The following CREBBP variants were observed in gnomAD, a reference collection of about 807,000 sequenced individuals.
CREBBP encodes the protein CREB-binding protein.
CREBBP carries 19 observed loss-of-function variants against 265.0 expected under a neutral mutation model. The ratio of observed to expected loss-of-function variants is 0.07; its 90% CI spans 0.05 to 0.11. The LOEUF (loss-of-function observed/expected upper bound fraction) is 0.11. CREBBP is among the 10% of genes least tolerant of loss of function. The pLI is 1.00. For synonymous variants in CREBBP, 1,457 were observed against 1,223.7 expected (o/e 1.19, Z -3.98); for missense variants, 2,525 against 3,219.0 (o/e 0.78, Z 5.22).
chr16:3,734,734 G>A (rs1296415708), intron 28 of CREBBP, among the ~76,000 whole-genome samples: 2 of 152,126 alleles, frequency 1.3e-5, no homozygotes, highest in East Asian at 1.9e-4. Context: ...ACTCTGGGGC[G>A]CCGTCCAGCA....
chr16:3,858,944 T>C (rs2055017838), intron 1 of CREBBP, among the ~76,000 whole-genome samples: 1 of 152,210 alleles, frequency 6.6e-6, no homozygotes, highest in South Asian at 2.1e-4. Context: ...GATGCTGTTT[T>C]GTGATGTGTT....
chr16:3,854,875 G>C (rs532524373), intron 1 of CREBBP, among the ~76,000 whole-genome samples: 4 of 152,344 alleles, frequency 2.6e-5, no homozygotes, highest in African/African-American at 9.6e-5. Context: ...ATGTGATTTA[G>C]GAGTGTGTAC....
intron 19 of CREBBP, among the ~76,000 whole-genome samples, chr16:3,755,517 C>A (rs1236473295): frequency 6.6e-6 from 1 of 152,154 alleles, no homozygotes; most frequent in African/African-American, 2.4e-5. Flanking sequence ...ATTATTTCAT[C>A]ATTGAGGACC....
intron 21 of CREBBP, among the ~76,000 whole-genome samples, chr16:3,747,315 T>C (rs1193329663): frequency 6.6e-6 from 1 of 152,242 alleles, no homozygotes; most frequent in Non-Finnish European, 1.5e-5. Context: ...CAAGAGACAG[T>C]GTAATGGCCC....
Position 3,850,875 on chromosome 16 carries a change from G to A in CREBBP, c.220C>T (p.Leu74=). 6.2e-7 allele frequency: 1 copy of A among 1,614,184 alleles called. No homozygotes were observed. The highest frequency in any genetic ancestry group is 8.5e-7 in the Non-Finnish European group (1 of 1,180,048). Residue 74 remains leucine (L), a synonymous_variant, in exon 2 of 31, where the codon CTA becomes TTA. Transcript: ENST00000262367. ...ASKHKQLSEL[L]RGGSGSSINP... is the part of the protein sequence containing the mutation. ...ATACTAGAGCCGCTGCCTCCTCGTA[G>A]AAGCTCCGACAGTTGTTTATGTTTG...
Position 3,767,857 on chromosome 16 carries a change from A to T in CREBBP, c.3113T>A (p.Ile1038Lys), listed in dbSNP as rs767191742. ...CATTGGTTCTGATTTCTGCTCTGCT[A>T]TGTCTGTTTCTTCTTTAACTTGGGA... ...GASQVKEETD[I>K]AEQKSEPMEV... The change falls in exon 16 of 31, where the codon ATA (isoleucine) becomes AAA (lysine). Residue 1038 changes from isoleucine (I) to lysine (K), a missense_variant. Coordinates refer to ENST00000262367, the MANE Select transcript of CREBBP (RefSeq NM_004380.3). 6.2e-7 allele frequency: 1 copy of T among 1,614,112 alleles called. No individual in the cohort carries two copies. Among genetic ancestry groups the T allele is most frequent in the Non-Finnish European group, 8.5e-7 (1 of 1,180,032 alleles).
At position 3,793,635 on chromosome 16, in the gene CREBBP, A is replaced by T. The variant is rs745555208; in HGVS notation, c.976-9T>A. 2 of 1,612,208 alleles carry T rather than the reference A, an allele frequency of 1.2e-6. No individual in the cohort carries two copies. Among genetic ancestry groups the T allele is most frequent in the Non-Finnish European group, 1.7e-6 (2 of 1,179,890 alleles). On this transcript the variant is annotated splice_polypyrimidine_tract_variant and intron_variant, in intron 3 of 30. Transcript: ENST00000262367. ...GATGTTTGCATCTGAGACTAAAATAAAGCAAAATAATAAAAATACTTTAAC... is the reference window on the plus strand; with the variant it reads ...GATGTTTGCATCTGAGACTAAAATATAGCAAAATAATAAAAATACTTTAAC...
Position 3,725,914 on chromosome 16 carries a change from G to A in CREBBP, c.*1804C>T, listed in dbSNP as rs553747903. 4.3e-6 allele frequency: 1 copy of A among 233,146 alleles called. No homozygotes were observed. Among genetic ancestry groups the A allele is most frequent in the African/African-American group, 2.2e-5 (1 of 45,438 alleles). 14.4% of individuals were successfully genotyped at this position (233,146 alleles called of 1,614,324 possible). A position where few individuals can be genotyped will look rare whatever the true frequency, so the allele number is the denominator to read the frequency against. On this transcript the variant is annotated 3_prime_UTR_variant, in exon 31 of 31. Coordinates refer to ENST00000262367, the MANE Select transcript of CREBBP (RefSeq NM_004380.3). Reference sequence around the variant, plus strand: ...CTGGGTGCTGGGGGTGGTAGACTTAGGGGATGAACTTCAGCTCCCCTGCCC... The same window carrying A: ...CTGGGTGCTGGGGGTGGTAGACTTAAGGGATGAACTTCAGCTCCCCTGCCC...
intron 2 of CREBBP, among the ~76,000 whole-genome samples, chr16:3,835,731 C>T (rs1028102154): frequency 5.9e-5 from 9 of 151,816 alleles, no homozygotes; most frequent in African/African-American, 2.2e-4. Context: ...AGGCGCCTGG[C>T]ACCACACCTG....
rs2051762944 is a variant in CREBBP, at chr16:3,726,999, GCTT to G, written c.*716_*718del. ...TTTCACATAGAAGAAAGAAAAGAAG[GCTT>G]CTTCTCTAGTAACATTAGCATGGTC... On this transcript the variant is annotated 3_prime_UTR_variant, in exon 31 of 31. Coordinates refer to ENST00000262367, the MANE Select transcript of CREBBP (RefSeq NM_004380.3). The G allele has an allele frequency of 4.3e-6, 1 of 233,646 alleles. No homozygotes were observed. Among genetic ancestry groups the G allele is most frequent in the Non-Finnish European group, 8.5e-6 (1 of 118,034 alleles). The allele number at this position is 233,646 out of a possible 1,614,324, so 14.5% of individuals were successfully genotyped here. A position where few individuals can be genotyped will look rare whatever the true frequency, so the allele number is the denominator to read the frequency against.
At position 3,726,921 on chromosome 16, in the gene CREBBP, G is replaced by A. The variant is rs2051761081; in HGVS notation, c.*797C>T. 1 of 233,454 alleles carries A rather than the reference G, an allele frequency of 4.3e-6. No individual in the cohort carries two copies. The highest frequency in any genetic ancestry group is 2.2e-5 in the African/African-American group (1 of 45,322). The allele number at this position is 233,454 out of a possible 1,614,324, so 14.5% of individuals were successfully genotyped here. The stretch of plus-strand genomic sequence containing the variant: ...AATCTTCTCGAGTTTCGTATTTATA[G>A]GAATTAGAGCGCTTGCATGATTTAC... On this transcript the variant is annotated 3_prime_UTR_variant, in exon 31 of 31. Coordinates refer to ENST00000262367, the MANE Select transcript of CREBBP (RefSeq NM_004380.3).
chr16:3,764,333 C>T (rs1285094015), intron 16 of CREBBP, among the ~76,000 whole-genome samples: 1 of 152,094 alleles, frequency 6.6e-6, no homozygotes, highest in Non-Finnish European at 1.5e-5. Context: ...CTAGAACGCA[C>T]TGGCACAATC....
chr16:3,779,199 G>C (rs950343529), intron 8 of CREBBP, among the ~76,000 whole-genome samples: 22 of 151,774 alleles, frequency 1.4e-4, no homozygotes, highest in Admixed American at 7.2e-4. Context: ...AAAGACACAG[G>C]GTCTTGCTCT....
intron 4 of CREBBP, 50 bp downstream of exon 4, chr16:3,793,336 G>A (rs1446325981): frequency 6.2e-7 from 1 of 1,612,346 alleles, no homozygotes. Flanking sequence ...AACAATAAAG[G>A]CAAATTCTTC....
chr16:3,727,825 T>C lies in CREBBP; in HGVS notation c.7222A>G (p.Met2408Val), dbSNP rs372005280. Residue 2408 changes from methionine to valine, a missense_variant, in exon 31 of 31, where the codon ATG becomes GTG. By Grantham distance (21) the Met-to-Val change is conservative. This residue lies in a region of CREBBP where 473 missense variants were observed against 459.3 expected (regional missense o/e 1.03). Coordinates refer to ENST00000262367, the MANE Select transcript of CREBBP (RefSeq NM_004380.3). Reference protein sequence around the residue: ...GHLGNPEQSAMLPQLNTPSRS... With the variant: ...GHLGNPEQSAVLPQLNTPSRS... ...CTGGGGGTGTTCAGCTGGGGGAGCA[T>C]TGCACTCTGTTCGGGGTTCCCCAAG... 1.8e-5 allele frequency: 29 copies of C among 1,613,986 alleles called. No homozygotes were observed. The highest frequency in any genetic ancestry group is 4.5e-5 in the East Asian group (2 of 44,880).
chr16:3,755,046 G>A (rs1356652583), intron 19 of CREBBP, among the ~76,000 whole-genome samples: 1 of 152,172 alleles, frequency 6.6e-6, no homozygotes, highest in South Asian at 2.1e-4. Context: ...CTACGCCTAC[G>A]CTTTAAAAAT....
At chr16:3,734,098 C>T (rs755144678) in intron 28 of CREBBP, among the ~76,000 whole-genome samples, 92 of 152,166 alleles carry the variant, frequency 6.0e-4, no homozygotes, top group Non-Finnish European at 4.6e-4. Context: ...TCCGTGTTTG[C>T]GACATTCCTC....
At chr16:3,783,571 C>A (rs1393784208) in intron 5 of CREBBP, among the ~76,000 whole-genome samples, 2 of 152,234 alleles carry the variant, frequency 1.3e-5, no homozygotes, top group African/African-American at 4.8e-5. Flanking sequence ...CTACATGAAG[C>A]TGTTCAAGAA....
chr16:3,861,557 C>A (rs1330275398), intron 1 of CREBBP, among the ~76,000 whole-genome samples: 1 of 149,890 alleles, frequency 6.7e-6, no homozygotes, highest in Non-Finnish European at 1.5e-5. Context: ...CTCATCCCTG[C>A]TGATCTGTGG....
Sources: allele counts gnomAD v4.1 joint callset (sites outside exome capture counted in the v4.1 genomes callset), GRCh38; gene constraint gnomAD v4.1.1; regional missense constraint gnomAD v4.1.1; transcripts MANE v1.5; gene names NCBI Gene and HGNC (gene_info 2026-07-23, HGNC 2026-07-21).